Variants in RABGEF1 observed in about 807,000 individuals in gnomAD.
RABGEF1 encodes the protein rab5 GDP/GTP exchange factor.
A neutral mutation model predicts 57.3 loss-of-function variants in RABGEF1; 26 were observed. The observed-to-expected ratio is 0.45, with a 90% confidence interval of 0.33 to 0.63. RABGEF1 has a LOEUF of 0.63. RABGEF1 is among the 20% of genes least tolerant of loss of function. The pLI is 0.02. For synonymous variants in RABGEF1, 185 were observed against 210.7 expected, an observed-to-expected ratio of 0.88 and a Z score of 1.06; for missense variants, 464 against 607.6, an observed-to-expected ratio of 0.76 and a Z score of 2.48.
chr7:66,690,368 G>A (rs1474805477), intron 1 of RABGEF1, among the ~76,000 whole-genome samples: 2 of 150,054 alleles, frequency 1.3e-5, no homozygotes, highest in Non-Finnish European at 3.0e-5. Flanking sequence ...CAAAGTGCTG[G>A]GATTACAGGC....
chr7:66,700,323 T>C (rs2659906), intron 1 of RABGEF1, among the ~76,000 whole-genome samples: 76,312 of 152,044 alleles, frequency 0.5, 20,095 homozygotes, highest in East Asian at 0.74. Flanking sequence ...AGCTCCTCTT[T>C]CGCCTTGAAG....
chr7:66,676,781 A>C, the RABGEF1 span, among the ~76,000 whole-genome samples: 1 of 152,152 alleles, frequency 6.6e-6, no homozygotes, highest in Admixed American at 6.6e-5. Context: ...GGGGGTTCTC[A>C]CTATGTTGCC....
chr7:66,769,587 G>C (rs1806576662), intron 1 of RABGEF1, among the ~76,000 whole-genome samples: 1 of 152,200 alleles, frequency 6.6e-6, no homozygotes, highest in Admixed American at 6.5e-5. Context: ...CCTTGGCCTG[G>C]ACGTAGATGC....
chr7:66,785,958 T>C (rs574866307), intron 4 of RABGEF1, among the ~76,000 whole-genome samples: 1 of 152,268 alleles, frequency 6.6e-6, no homozygotes, highest in Non-Finnish European at 1.5e-5. Context: ...CCAACTAAAC[T>C]TTCTAGATGG....
intron 1 of RABGEF1, among the ~76,000 whole-genome samples, chr7:66,691,039 C>T (rs1291785258): frequency 1.3e-5 from 2 of 152,090 alleles, no homozygotes; most frequent in Admixed American, 6.6e-5. Context: ...TGCAGTGAGC[C>T]GTGATCGTGC....
chr7:66,767,803 C>T (rs1806125764), intron 1 of RABGEF1, among the ~76,000 whole-genome samples: 1 of 152,176 alleles, frequency 6.6e-6, no homozygotes, highest in African/African-American at 2.4e-5. Flanking sequence ...TGCCAGCTTC[C>T]TGCACTGTGA....
At chr7:66,718,940 G>T (rs1795698736) in intron 2 of RABGEF1, among the ~76,000 whole-genome samples, 2 of 152,196 alleles carry the variant, frequency 1.3e-5, no homozygotes, top group South Asian at 4.1e-4. Flanking sequence ...CAGTTTCTCT[G>T]CTCTGCCACA....
At chr7:66,741,730 C>G (rs1051430693) in intron 1 of RABGEF1, among the ~76,000 whole-genome samples, 1 of 152,168 alleles carries the variant, frequency 6.6e-6, no homozygotes, top group African/African-American at 2.4e-5. Context: ...TGGGATCTCA[C>G]AGTGTTGCCC....
In RABGEF1 at chr7:66,799,325, C is replaced by G. The variant is rs373563151; in HGVS notation, c.731C>G (p.Ala244Gly). The G allele has an allele frequency of 6.3e-7, 1 of 1,599,496 alleles. No individual in the cohort carries two copies. The highest frequency in any genetic ancestry group is 1.1e-5 in the South Asian group (1 of 90,756). Residue 244 changes from alanine (A) to glycine (G), a missense_variant and splice_region_variant, in exon 7 of 9, where the codon GCC becomes GGC. Physicochemically the swap from Ala to Gly is moderately conservative, Grantham distance 60 (BLOSUM62 0). Transcript: ENST00000284957. ...GTTTACTGTCTCTCTCTCTTTAGAG[C>G]CCTGCGCTGGGTTACGCCTCAGATG... ...KDLAIQKRIR[A>G]LRWVTPQMLC...
chr7:66,715,307 T>A (rs1038724337), intron 2 of RABGEF1, among the ~76,000 whole-genome samples: 9 of 152,242 alleles, frequency 5.9e-5, no homozygotes, highest in East Asian at 3.9e-4. Context: ...TTTAAAAAAA[T>A]TTTTGTAGAT....
intron 1 of RABGEF1, among the ~76,000 whole-genome samples, chr7:66,683,011 C>T (rs1233743096): frequency 2.0e-5 from 3 of 152,134 alleles, no homozygotes; most frequent in Non-Finnish European, 2.9e-5. Flanking sequence ...GTGTCGTGGG[C>T]GTCCGTGGGC....
At position 66,698,995 on chromosome 7, in the gene RABGEF1, T is replaced by A. The variant is rs1299965992; in HGVS notation, c.-872-13172T>A. ...AAGCAACAAAGCTGAGTCCAGCCCGTCCTTCAGTCCCACATGCAGCGCTGG... is the reference window on the plus strand; with the variant it reads ...AAGCAACAAAGCTGAGTCCAGCCCGACCTTCAGTCCCACATGCAGCGCTGG... On this transcript the variant is annotated intron_variant and NMD_transcript_variant, in intron 1 of 9. Transcript: ENST00000607882. Among the ~76,000 whole-genome samples, 5 of 152,310 alleles carry A rather than the reference T, an allele frequency of 3.3e-5. No homozygotes were observed. In the East Asian group the frequency reaches 9.7e-4, roughly 29 times the overall value.
In RABGEF1 at chr7:66,809,059, G is replaced by T. The variant is rs779131949; in HGVS notation, c.1251G>T (p.Leu417Phe). 3.0e-5 allele frequency: 48 copies of T among 1,614,008 alleles called. No homozygotes were observed. Among genetic ancestry groups the T allele is most frequent in the Non-Finnish European group, 4.0e-5 (47 of 1,180,044 alleles). The change falls in exon 9 of 9, where the codon TTG (leucine) becomes TTT (phenylalanine). Residue 417 changes from leucine to phenylalanine, a missense_variant. By Grantham distance (22) the Leu-to-Phe change is conservative. This residue lies in a region of RABGEF1 where 151 missense variants were observed against 152.2 expected (regional missense o/e 0.99). Transcript: ENST00000284957. Reference sequence around the variant, plus strand: ...AAATGTATAAGAACTTGGATCTCTTGTCTCAGTTGAATGAACGACAAGAAA... The same window carrying T: ...AAATGTATAAGAACTTGGATCTCTTTTCTCAGTTGAATGAACGACAAGAAA... ...VKQMYKNLDL[L>F]SQLNERQERI...
intron 4 of RABGEF1, among the ~76,000 whole-genome samples, chr7:66,793,844 T>C (rs1189906475): frequency 2.6e-5 from 4 of 152,194 alleles, no homozygotes; most frequent in African/African-American, 7.2e-5. Context: ...CAGACTGCTG[T>C]GGGCTTCCAC....
intron 1 of RABGEF1, among the ~76,000 whole-genome samples, chr7:66,755,676 G>A (rs774994885): frequency 6.6e-6 from 1 of 152,162 alleles, no homozygotes; most frequent in Non-Finnish European, 1.5e-5. Flanking sequence ...ACGGTAGCCA[G>A]ATTATCTTGT....
intron 1 of RABGEF1, among the ~76,000 whole-genome samples, chr7:66,709,267 T>C (rs1381075441): frequency 1.3e-5 from 2 of 152,150 alleles, no homozygotes; most frequent in East Asian, 3.8e-4. Context: ...CCCAGAGTGC[T>C]GGGATTATAG....
At chr7:66,689,268 T>A (rs185460932) in intron 1 of RABGEF1, among the ~76,000 whole-genome samples, 12 of 152,046 alleles carry the variant, frequency 7.9e-5, no homozygotes, top group African/African-American at 2.7e-4. Flanking sequence ...GAATTAAAAC[T>A]TTTTTACAGG....
chr7:66,796,007 T>C (rs1358983718), intron 5 of RABGEF1, among the ~76,000 whole-genome samples: 1 of 152,068 alleles, frequency 6.6e-6, no homozygotes, highest in Non-Finnish European at 1.5e-5. Context: ...GGTGTTGTGG[T>C]GCACCTCTTA....
chr7:66,747,235 G>A (rs554572676), intron 1 of RABGEF1, among the ~76,000 whole-genome samples: 7 of 152,320 alleles, frequency 4.6e-5, no homozygotes, highest in South Asian at 2.1e-4. Context: ...TCATGAATGC[G>A]TAAAATATTA....
Sources: gnomAD v4.1 joint callset for allele counts (sites outside exome capture counted in the v4.1 genomes callset) on GRCh38, gnomAD v4.1.1 for gene constraint, gnomAD v4.1.1 regional missense constraint, MANE v1.5 for transcripts, NCBI Gene and HGNC (gene_info 2026-07-23, HGNC 2026-07-21) for gene names.